Variants in MAPKAP1 observed in about 807,000 individuals in gnomAD.
MAPKAP1 encodes the protein target of rapamycin complex 2 subunit MAPKAP1.
A neutral mutation model predicts 65.7 loss-of-function variants in MAPKAP1; 20 were observed. The ratio of observed to expected loss-of-function variants is 0.30; its 90% CI spans 0.21 to 0.44. MAPKAP1 has a LOEUF of 0.44. Among genes scored for constraint, MAPKAP1 ranks in the 20% least tolerant of loss-of-function variants. The pLI is 1.00. For synonymous variants in MAPKAP1, 222 were observed against 244.3 expected, an observed-to-expected ratio of 0.91 and a Z score of 0.85; for missense variants, 423 against 648.0, an observed-to-expected ratio of 0.65 and a Z score of 3.77.
chr9:125,596,504 A>G (rs578081406), intron 4 of MAPKAP1: 43 of 736,738 alleles, frequency 5.8e-5, no homozygotes, highest in Middle Eastern at 7.6e-4. Flanking sequence ...ATGAAAGGAA[A>G]CTTTGGAGGC....
intron 5 of MAPKAP1, among the ~76,000 whole-genome samples, chr9:125,577,038 A>G (rs1436538765): frequency 2.7e-5 from 4 of 147,196 alleles, no homozygotes; most frequent in Non-Finnish European, 4.5e-5. Flanking sequence ...AGTGAGGAGC[A>G]TCTCTGCCCG....
chr9:125,657,816 A>G lies in MAPKAP1; in HGVS notation c.350-17T>C, dbSNP rs951936965. The G allele has an allele frequency of 1.2e-6, 2 of 1,610,418 alleles. No individual in the cohort carries two copies. Among genetic ancestry groups the G allele is most frequent in the African/African-American group, 2.7e-5 (2 of 74,574 alleles). On this transcript the variant is annotated splice_polypyrimidine_tract_variant and intron_variant, in intron 3 of 11. Coordinates refer to ENST00000265960, the MANE Select transcript of MAPKAP1 (RefSeq NM_001006617.3). The stretch of plus-strand genomic sequence containing the variant: ...ACTCCTGGGCTGTGATACAAGAGGA[A>G]GAAAAACATCTTTGTGATTACACAG...
chr9:125,587,072 T>C (rs531077298), intron 4 of MAPKAP1, among the ~76,000 whole-genome samples: 19 of 152,170 alleles, frequency 1.2e-4, no homozygotes, highest in Non-Finnish European at 1.5e-4. Context: ...AAGAATGAAT[T>C]TGGAGTCCTG....
intron 7 of MAPKAP1, among the ~76,000 whole-genome samples, chr9:125,514,892 G>A (rs1213554873): frequency 2.0e-5 from 3 of 152,096 alleles, no homozygotes; most frequent in African/African-American, 2.4e-5. Context: ...CGCTGATGCC[G>A]TCCGTATCAG....
chr9:125,556,395 G>A (rs1294995700), intron 6 of MAPKAP1, among the ~76,000 whole-genome samples: 1 of 152,248 alleles, frequency 6.6e-6, no homozygotes, highest in Admixed American at 6.5e-5. Flanking sequence ...CAATCTTTCA[G>A]CAGAGGGTTG....
intron 8 of MAPKAP1, among the ~76,000 whole-genome samples, chr9:125,489,948 T>C (rs1217335627): frequency 1.3e-5 from 2 of 152,214 alleles, no homozygotes; most frequent in Non-Finnish European, 2.9e-5. Flanking sequence ...GACAGATCTG[T>C]TGGACTCTGG....
At chr9:125,682,984 GT>G (rs1834867831) in intron 1 of MAPKAP1, among the ~76,000 whole-genome samples, 5 of 147,906 alleles carry the variant, frequency 3.4e-5, no homozygotes, top group African/African-American at 1.3e-4. Context: ...TTGAGACGGA[GT>G]TTTGCTCTTG....
chr9:125,587,634 C>T (rs938056622), intron 4 of MAPKAP1, among the ~76,000 whole-genome samples: 4 of 152,084 alleles, frequency 2.6e-5, no homozygotes, highest in East Asian at 1.9e-4. Flanking sequence ...AGTAAAAAGA[C>T]AATCAAAAGA....
At chr9:125,571,405 T>C (rs1205299063) in intron 5 of MAPKAP1, among the ~76,000 whole-genome samples, 1 of 152,224 alleles carries the variant, frequency 6.6e-6, no homozygotes, top group Non-Finnish European at 1.5e-5. Context: ...AAACGCAGGT[T>C]TCTAATAACT....
At chr9:125,560,663 CCATACAGTTCT>C (rs1162425444) in intron 5 of MAPKAP1, among the ~76,000 whole-genome samples, 3 of 152,194 alleles carry the variant, frequency 2.0e-5, no homozygotes, top group African/African-American at 7.2e-5. Context: ...CCAAGACAAT[CCATACAGTTCT>C]CCCTTCTCTA....
chr9:125,447,325 G>A lies in MAPKAP1; in HGVS notation c.1346-2727C>T, dbSNP rs765102302. 4.0e-5 allele frequency: 18 copies of A among 447,704 alleles called. No individual in the cohort carries two copies. Among genetic ancestry groups the A allele is most frequent in the East Asian group, 7.0e-5 (1 of 14,262 alleles). 27.7% of individuals were successfully genotyped at this position (447,704 alleles called of 1,614,324 possible). The stretch of plus-strand genomic sequence containing the variant: ...TGTCCTTTCCAGTGAAAGCACTCAC[G>A]CCATAGGAGAGGGGAACAGAGGGCA... On this transcript the variant is annotated intron_variant, in intron 10 of 11. Coordinates refer to ENST00000265960, the MANE Select transcript of MAPKAP1 (RefSeq NM_001006617.3). The surrounding 1 kb of genome is among the most constrained non-coding windows in gnomAD (Gnocchi z 4.5).
chr9:125,489,317 T>A (rs1476752412), intron 8 of MAPKAP1, among the ~76,000 whole-genome samples: 1 of 152,186 alleles, frequency 6.6e-6, no homozygotes, highest in East Asian at 1.9e-4. Flanking sequence ...AATGCTGAAC[T>A]GGGTCTCCTC....
At chr9:125,642,141 G>A (rs1387870788) in intron 4 of MAPKAP1, among the ~76,000 whole-genome samples, 1 of 151,666 alleles carries the variant, frequency 6.6e-6, no homozygotes, top group Non-Finnish European at 1.5e-5. Flanking sequence ...GGAAGTCAAG[G>A]CTGTAGTAAG....
At chr9:125,626,310 G>C (rs1372001135) in intron 4 of MAPKAP1, among the ~76,000 whole-genome samples, 1 of 152,200 alleles carries the variant, frequency 6.6e-6, no homozygotes, top group Non-Finnish European at 1.5e-5. Context: ...TCAGCATGTT[G>C]GGGTCAGGGC....
intron 4 of MAPKAP1, among the ~76,000 whole-genome samples, chr9:125,627,094 C>G (rs1462678857): frequency 6.6e-6 from 1 of 152,146 alleles, no homozygotes; most frequent in Non-Finnish European, 1.5e-5. Flanking sequence ...ACTGTAGGTG[C>G]AATTCATATG....
intron 1 of MAPKAP1, among the ~76,000 whole-genome samples, chr9:125,677,661 T>C (rs1834690354): frequency 6.6e-6 from 1 of 152,054 alleles, no homozygotes; most frequent in Non-Finnish European, 1.5e-5. Flanking sequence ...GCCACTGCAC[T>C]CCAGCTTGGG....
intron 9 of MAPKAP1, among the ~76,000 whole-genome samples, chr9:125,476,001 C>A (rs769001521): frequency 2.0e-5 from 3 of 152,200 alleles, no homozygotes; most frequent in Non-Finnish European, 4.4e-5. Flanking sequence ...CAACTTCTTC[C>A]AATTCTCAAT....
intron 1 of MAPKAP1, among the ~76,000 whole-genome samples, chr9:125,699,617 T>C (rs1462547473): frequency 6.6e-6 from 1 of 151,910 alleles, no homozygotes; most frequent in Non-Finnish European, 1.5e-5. Context: ...GTTTTGAATT[T>C]TGAAGGATTT....
chr9:125,487,708 AT>A (rs60779255), intron 8 of MAPKAP1, among the ~76,000 whole-genome samples: 4,117 of 152,112 alleles, frequency 0.027, 192 homozygotes, highest in African/African-American at 0.094. Flanking sequence ...GTGACATATA[AT>A]TTTTTACTGA....
Sources: gnomAD v4.1 joint callset for allele counts (sites outside exome capture counted in the v4.1 genomes callset) on GRCh38, gnomAD v4.1.1 for gene constraint, Gnocchi (gnomAD v3.1) non-coding constraint, MANE v1.5 for transcripts, NCBI Gene and HGNC (gene_info 2026-07-23, HGNC 2026-07-21) for gene names.